PTPRQ: variants seen among roughly 807,000 people sequenced by gnomAD.
PTPRQ encodes protein tyrosine phosphatase receptor type Q, also known as phosphatidylinositol phosphatase PTPRQ.
Under a neutral mutation model 246.0 loss-of-function variants are expected in PTPRQ, and 199 were observed. That is an observed-to-expected ratio of 0.81 (90% CI 0.72 to 0.91). The LOEUF (loss-of-function observed/expected upper bound fraction) is 0.91. Among genes scored for constraint, PTPRQ ranks in the 40% least tolerant of loss-of-function variants. PTPRQ has a pLI of 0.00. For missense variants in PTPRQ, 2,624 were observed against 2,528.4 expected, an observed-to-expected ratio of 1.04 and a Z score of -0.81; for synonymous variants, 869 against 853.2, an observed-to-expected ratio of 1.02 and a Z score of -0.32.
At chr12:80,451,216 G>T (rs910606260) in intron 3 of PTPRQ, among the ~76,000 whole-genome samples, 2 of 150,746 alleles carry the variant, frequency 1.3e-5, no homozygotes, top group African/African-American at 2.4e-5. Flanking sequence ...TGTGGGATCA[G>T]TGGTAATATC....
At chr12:80,502,167 G>A (rs930898407) in intron 14 of PTPRQ, among the ~76,000 whole-genome samples, 3 of 151,896 alleles carry the variant, frequency 2.0e-5, no homozygotes, top group African/African-American at 7.2e-5. Context: ...CAGACGTGGA[G>A]GGATAGAGCT....
intron 3 of PTPRQ, among the ~76,000 whole-genome samples, chr12:80,450,129 C>A (rs1892703447): frequency 6.6e-6 from 1 of 151,802 alleles, no homozygotes; most frequent in South Asian, 2.1e-4. Flanking sequence ...ATTTTATTCT[C>A]TTTGAATCAA....
chr12:80,668,670 G>A (rs1320249916), intron 39 of PTPRQ, among the ~76,000 whole-genome samples: 1 of 151,860 alleles, frequency 6.6e-6, no homozygotes, highest in East Asian at 1.9e-4. Flanking sequence ...GATTTTATAA[G>A]AATATTGAAT....
intron 3 of PTPRQ, among the ~76,000 whole-genome samples, chr12:80,447,887 T>C (rs1892602138): frequency 6.6e-6 from 1 of 152,112 alleles, no homozygotes. Flanking sequence ...ATTTGGGCTC[T>C]TTTTTGGTTT....
At chr12:80,478,484 C>T (rs1565732606) in intron 8 of PTPRQ, among the ~76,000 whole-genome samples, 1 of 152,158 alleles carries the variant, frequency 6.6e-6, no homozygotes, top group Non-Finnish European at 1.5e-5. Context: ...TCTCCTCCTC[C>T]AAAGGAATGC....
In PTPRQ at chr12:80,613,639, G is replaced by T; in HGVS notation, c.4966G>T (p.Glu1656Ter). 1.3e-6 allele frequency: 2 copies of T among 1,545,378 alleles called. No individual in the cohort carries two copies. Among genetic ancestry groups the T allele is most frequent in the Non-Finnish European group, 1.8e-6 (2 of 1,142,836 alleles). Residue 1656 changes from glutamate to a stop codon, truncating the protein, a stop_gained, in exon 29 of 45, where the codon GAA becomes TAA. Coordinates refer to ENST00000644991, the MANE Select transcript of PTPRQ (RefSeq NM_001145026.2). LOFTEE classifies it high-confidence loss of function. The stretch of plus-strand genomic sequence containing the variant: ...CATGACATTTCAGAAGATACCAGAT[G>T]AAGTTACAAAATTTCAATTAACGTT... ...NNMTFQKIPD[E>*]VTKFQLTFLP...
At chr12:80,596,269 T>C (rs184544302) in intron 26 of PTPRQ, among the ~76,000 whole-genome samples, 8 of 152,130 alleles carry the variant, frequency 5.3e-5, no homozygotes, top group East Asian at 3.9e-4. Flanking sequence ...ACTATATATT[T>C]AATGTCAAAA....
At chr12:80,548,172 C>T (rs1331304702) in intron 24 of PTPRQ, among the ~76,000 whole-genome samples, 4 of 151,666 alleles carry the variant, frequency 2.6e-5, no homozygotes, top group Non-Finnish European at 5.9e-5. Flanking sequence ...AAAATTGTAC[C>T]CCAACATTCT....
chr12:80,469,255 A>G (rs1893546792), intron 7 of PTPRQ, among the ~76,000 whole-genome samples: 1 of 152,152 alleles, frequency 6.6e-6, no homozygotes, highest in East Asian at 1.9e-4. Flanking sequence ...TAAAAATAAC[A>G]TGGAAAATCT....
intron 9 of PTPRQ, among the ~76,000 whole-genome samples, chr12:80,486,507 G>A (rs897225531): frequency 7.9e-5 from 12 of 152,122 alleles, no homozygotes; most frequent in Admixed American, 2.6e-4. Context: ...TGACTCTGCC[G>A]TGTTCTAGGT....
At chr12:80,602,561 A>G (rs1028638089) in intron 26 of PTPRQ, among the ~76,000 whole-genome samples, 2 of 151,786 alleles carry the variant, frequency 1.3e-5, no homozygotes, top group African/African-American at 2.4e-5. Flanking sequence ...GTCCTCACAC[A>G]GTGGAAAGCA....
intron 5 of PTPRQ, among the ~76,000 whole-genome samples, chr12:80,459,695 T>C (rs887461061): frequency 6.6e-6 from 1 of 152,190 alleles, no homozygotes; most frequent in African/African-American, 2.4e-5. Context: ...AGGAATGGTT[T>C]GAGAATTCAA....
At chr12:80,657,924 TA>T (rs926980351) in intron 38 of PTPRQ, 60 bp from the exon 39 acceptor site, 23 of 1,198,858 alleles carry the variant, frequency 1.9e-5, no homozygotes, top group South Asian at 5.8e-5. Flanking sequence ...ACTTTTATAG[TA>T]AAAAAAGTAG....
At chr12:80,666,744 C>A (rs923590902) in intron 39 of PTPRQ, among the ~76,000 whole-genome samples, 1 of 151,856 alleles carries the variant, frequency 6.6e-6, no homozygotes, top group Non-Finnish European at 1.5e-5. Context: ...TGGAGTCTTC[C>A]CCATCTTCCT....
At chr12:80,524,838 C>T (rs983685021) in intron 17 of PTPRQ, among the ~76,000 whole-genome samples, 13 of 152,110 alleles carry the variant, frequency 8.5e-5, no homozygotes, top group African/African-American at 3.1e-4. Flanking sequence ...AGAATTCACA[C>T]CCAGATCTGT....
At chr12:80,463,412 G>A (rs1402651195) in intron 6 of PTPRQ, among the ~76,000 whole-genome samples, 2 of 152,202 alleles carry the variant, frequency 1.3e-5, no homozygotes, top group Non-Finnish European at 2.9e-5. Context: ...GAAAGTGATG[G>A]CGAGAATGGA....
intron 26 of PTPRQ, among the ~76,000 whole-genome samples, chr12:80,590,166 A>G (rs1297131253): frequency 6.6e-6 from 1 of 152,186 alleles, no homozygotes. Flanking sequence ...TTTGCAGCAA[A>G]TGAAAATCCA....
chr12:80,636,258 T>C (rs768209133), intron 35 of PTPRQ, among the ~76,000 whole-genome samples: 31 of 152,352 alleles, frequency 2.0e-4, no homozygotes, highest in South Asian at 1.7e-3. Context: ...CAGATGATTG[T>C]AAGTTATCCA....
At chr12:80,628,655 G>A (rs1899298514) in intron 33 of PTPRQ, among the ~76,000 whole-genome samples, 1 of 151,882 alleles carries the variant, frequency 6.6e-6, no homozygotes, top group African/African-American at 2.4e-5. Context: ...TATTTACTCT[G>A]TGCCCAGTAC....
Sources: allele counts gnomAD v4.1 joint callset (sites outside exome capture counted in the v4.1 genomes callset), GRCh38; gene constraint gnomAD v4.1.1; transcripts MANE v1.5; gene names NCBI Gene and HGNC (gene_info 2026-07-23, HGNC 2026-07-21).